Variants in PHKA2 observed in about 807,000 individuals in gnomAD.
PHKA2 encodes the protein phosphorylase kinase regulatory subunit alpha 2.
A neutral mutation model predicts 102.0 loss-of-function variants in PHKA2; 31 were observed. The ratio of observed to expected loss-of-function variants is 0.30; its 90% CI spans 0.23 to 0.41. The LOEUF (loss-of-function observed/expected upper bound fraction) is 0.41, where lower values mean the gene tolerates loss of function less well. Ranked by LOEUF, PHKA2 falls within the 10% of genes least tolerant of loss-of-function variation. The pLI is 1.00. For missense variants in PHKA2, 858 were observed against 1,023.1 expected, an observed-to-expected ratio of 0.84 and a Z score of 2.20; for synonymous variants, 455 against 416.2, an observed-to-expected ratio of 1.09 and a Z score of -1.13.
Position 18,893,351 on chromosome X carries a change from A to G in PHKA2, c.*134T>C. On this transcript the variant is annotated 3_prime_UTR_variant, in exon 33 of 33. Transcript: ENST00000379942. ...CATCAGTTTCAGGGTGAGTGCTACC[A>G]TTGCCCCCCGAGAGTGTTTCTGATG... is the stretch of plus-strand genomic sequence containing the variant. 1.6e-6 allele frequency: 1 copy of G among 641,030 alleles called. No homozygotes were observed. Among genetic ancestry groups the G allele is most frequent in the Non-Finnish European group, 2.6e-6 (1 of 389,751 alleles). The allele number at this position is 641,030 out of a possible 1,213,427, so 52.8% of individuals were successfully genotyped here. A position where few individuals can be genotyped will look rare whatever the true frequency, so the allele number is the denominator to read the frequency against.
At chrX:18,896,890 TAATGCCTGGAGACACTTTTA>T (rs2047568364) in intron 30 of PHKA2, among the ~76,000 whole-genome samples, 2 of 111,868 alleles carry the variant, frequency 1.8e-5, no homozygotes, top group South Asian at 7.5e-4. Context: ...GGATGTTTGA[TAATGCCTGGAGACACTTTTA>T]GTTGTCACAC....
intron 2 of PHKA2, 113 bp downstream of exon 2, chrX:18,954,141 G>T: frequency 1.4e-6 from 1 of 715,868 alleles, no homozygotes; most frequent in Non-Finnish European, 2.2e-6. Context: ...AGCAGAAATA[G>T]AGGAGAGGCC....
Position 18,931,692 on chromosome X carries a change from C to T in PHKA2, c.1194G>A (p.Val398=), listed in dbSNP as rs2075687892. The change falls in exon 12 of 33, where the codon GTG becomes GTA. Residue 398 remains valine (V), a synonymous_variant. Coordinates refer to ENST00000379942, the MANE Select transcript of PHKA2 (RefSeq NM_000292.3). ...HTVDRVPMGK[V]PHLWGQSLYI... ...ACAAGGATTGGCCCCACAGATGAGGCACCTTCCCCATAGGAACTCGGTCTA... is the reference window on the plus strand; with the variant it reads ...ACAAGGATTGGCCCCACAGATGAGGTACCTTCCCCATAGGAACTCGGTCTA... 2.5e-6 allele frequency: 3 copies of T among 1,207,860 alleles called. No homozygotes were observed. Among genetic ancestry groups the T allele is most frequent in the Non-Finnish European group, 2.2e-6 (2 of 891,886 alleles).
intron 27 of PHKA2, among the ~76,000 whole-genome samples, chrX:18,901,250 G>A (rs1393945641): frequency 1.8e-5 from 2 of 111,081 alleles, no homozygotes; most frequent in South Asian, 7.7e-4. Context: ...GGTATTTTCT[G>A]GAACGTTCAT....
chrX:18,898,925 T>C (rs2147823539), intron 29 of PHKA2, among the ~76,000 whole-genome samples: 1 of 112,206 alleles, frequency 8.9e-6, no homozygotes, highest in African/African-American at 3.2e-5. Flanking sequence ...AGGAAACTCC[T>C]CACCCACACT....
At chrX:18,906,947 C>T (rs1374087039) in intron 23 of PHKA2, 71 bp downstream of exon 23, 8 of 1,042,275 alleles carry the variant, frequency 7.7e-6, no homozygotes, top group South Asian at 1.9e-5. Context: ...GCCCCTCCTC[C>T]GAACACTGGG....
At chrX:18,899,459 CAT>C (rs1193123217) in intron 28 of PHKA2, among the ~76,000 whole-genome samples, 11 of 112,868 alleles carry the variant, frequency 9.7e-5, no homozygotes, top group Admixed American at 9.3e-5. Flanking sequence ...TTTTTAAAAA[CAT>C]GAACTGTTAC....
intron 3 of PHKA2, 41 bp from the exon 4 acceptor site, chrX:18,951,313 T>C: frequency 1.7e-6 from 2 of 1,175,689 alleles, no homozygotes; most frequent in Admixed American, 2.2e-5. Context: ...GTTATGGGGG[T>C]TCATGGCTGG....
At chrX:18,905,974 CT>C (rs1458079668) in intron 25 of PHKA2, 115 bp from the exon 26 acceptor site, 31 of 540,257 alleles carry the variant, frequency 5.7e-5, no homozygotes, top group Non-Finnish European at 9.5e-5. Context: ...GCAGGTCCCC[CT>C]GTTCAGGAGA....
chrX:18,906,422 C>T, intron 25 of PHKA2, 73 bp downstream of exon 25: 17 of 1,172,871 alleles, frequency 1.4e-5, no homozygotes, highest in Non-Finnish European at 1.9e-5. Flanking sequence ...AGTTCTTCCC[C>T]TGAGAGTGGA....
At chrX:18,961,085 T>G (rs903415585) in intron 1 of PHKA2, among the ~76,000 whole-genome samples, 5 of 112,177 alleles carry the variant, frequency 4.5e-5, no homozygotes, top group African/African-American at 1.6e-4. Context: ...AGTCTTCTGA[T>G]CCATGGACAT....
At chrX:18,934,368 G>T (rs2048360734) in intron 11 of PHKA2, among the ~76,000 whole-genome samples, 1 of 111,761 alleles carries the variant, frequency 8.9e-6, no homozygotes, top group South Asian at 3.7e-4. Flanking sequence ...AATCAGTCCT[G>T]AGAGAGCTTG....
intron 31 of PHKA2, 141 bp from the exon 32 acceptor site, chrX:18,894,545 C>A: frequency 3.7e-6 from 2 of 537,970 alleles, no homozygotes; most frequent in Non-Finnish European, 3.2e-6. Context: ...TGGCCACTCC[C>A]TGGATCCTGC....
At chrX:18,913,101 T>C (rs1207563499) in intron 19 of PHKA2, among the ~76,000 whole-genome samples, 2 of 107,215 alleles carry the variant, frequency 1.9e-5, no homozygotes, top group South Asian at 4.1e-4. Context: ...AAGAGAAATA[T>C]GGTATATAAG....
chrX:18,942,433 T>C (rs1193290446), intron 7 of PHKA2, among the ~76,000 whole-genome samples: 1 of 111,891 alleles, frequency 8.9e-6, no homozygotes, highest in Non-Finnish European at 1.9e-5. Flanking sequence ...CATGTCCAAT[T>C]CACACCTGAG....
chrX:18,948,121 C>T (rs1168274199), intron 5 of PHKA2, among the ~76,000 whole-genome samples: 3 of 111,582 alleles, frequency 2.7e-5, no homozygotes, highest in African/African-American at 6.5e-5. Flanking sequence ...TGTAACCAAA[C>T]AGCACCTGTT....
At chrX:18,945,620 C>A (rs1444468687) in intron 5 of PHKA2, among the ~76,000 whole-genome samples, 1 of 111,909 alleles carries the variant, frequency 8.9e-6, no homozygotes, top group Non-Finnish European at 1.9e-5. Flanking sequence ...TTTAGCATTA[C>A]CTCTTGGGGA....
chrX:18,926,314 A>T, intron 14 of PHKA2, 139 bp downstream of exon 14: 3 of 567,913 alleles, frequency 5.3e-6, no homozygotes, highest in Admixed American at 4.6e-5. Context: ...TCCTCTTCAC[A>T]TCGAAGCGGT....
chrX:18,954,560 A>T, intron 1 of PHKA2, 148 bp from the exon 2 acceptor site: 1 of 509,388 alleles, frequency 2.0e-6, no homozygotes, highest in Non-Finnish European at 3.3e-6. Context: ...TAACAGTGTG[A>T]TCTTGGGTGA....
Sources: allele counts gnomAD v4.1 joint callset (sites outside exome capture counted in the v4.1 genomes callset), GRCh38; gene constraint gnomAD v4.1.1; transcripts MANE v1.5; gene names NCBI Gene and HGNC (gene_info 2026-07-23, HGNC 2026-07-21).